The following DGKB variants were observed in gnomAD, a reference collection of about 807,000 sequenced individuals.
DGKB encodes 90 kDa diacylglycerol kinase.
A neutral mutation model predicts 114.3 loss-of-function variants in DGKB; 67 were observed. That is an observed-to-expected ratio of 0.59 (90% confidence interval 0.48 to 0.72). The LOEUF is 0.72. Among genes scored for constraint, DGKB ranks in the 30% least tolerant of loss-of-function variants. DGKB has a pLI of 0.00. For synonymous variants in DGKB, 398 were observed against 323.1 expected, an observed-to-expected ratio of 1.23 and a Z score of -2.49; for missense variants, 907 against 975.2, an observed-to-expected ratio of 0.93 and a Z score of 0.93.
intron 21 of DGKB, among the ~76,000 whole-genome samples, chr7:14,395,967 T>A (rs998090836): frequency 5.9e-5 from 9 of 152,038 alleles, no homozygotes; most frequent in Admixed American, 2.0e-4. Context: ...AATTATACAT[T>A]TGAAGGACTG....
intron 21 of DGKB, among the ~76,000 whole-genome samples, chr7:14,410,854 G>A (rs545878721): frequency 2.6e-5 from 4 of 152,204 alleles, no homozygotes; most frequent in Admixed American, 6.5e-5. Context: ...AATTTCTATT[G>A]AAATATAAAT....
chr7:14,534,127 G>T (rs1487341747), intron 20 of DGKB, among the ~76,000 whole-genome samples: 2 of 151,876 alleles, frequency 1.3e-5, no homozygotes, highest in Admixed American at 6.6e-5. Context: ...ATAAACAATA[G>T]AAAAATAATA....
chr7:14,392,982 G>GTTTTTTTTTTTT (rs1298052301), intron 21 of DGKB, among the ~76,000 whole-genome samples: 1 of 27,462 alleles, frequency 3.6e-5, no homozygotes, highest in Non-Finnish European at 1.1e-4. Context: ...AAACAGACCT[G>GTTTTTTTTTTTT]TTTTTTGTTT....
At chr7:14,474,966 GA>G (rs1171275271) in intron 21 of DGKB, among the ~76,000 whole-genome samples, 1 of 151,982 alleles carries the variant, frequency 6.6e-6, no homozygotes, top group African/African-American at 2.4e-5. Flanking sequence ...AATTTGGAAA[GA>G]ATATGATATA....
At chr7:14,506,234 T>C (rs1787033469) in intron 20 of DGKB, among the ~76,000 whole-genome samples, 1 of 152,136 alleles carries the variant, frequency 6.6e-6, no homozygotes. Flanking sequence ...AATCAATAGA[T>C]GTAAACTCAC....
chr7:14,174,366 T>A (rs1323188298), intron 25 of DGKB, among the ~76,000 whole-genome samples: 1 of 152,310 alleles, frequency 6.6e-6, no homozygotes, highest in East Asian at 1.9e-4. Flanking sequence ...ATTAAATGCA[T>A]CAACATGGGT....
At chr7:14,420,126 G>C (rs1184882159) in intron 21 of DGKB, among the ~76,000 whole-genome samples, 1 of 151,212 alleles carries the variant, frequency 6.6e-6, no homozygotes, top group Non-Finnish European at 1.5e-5. Flanking sequence ...ATAGAAAACT[G>C]GTGTTTAAAA....
At chr7:14,403,042 T>G (rs372154938) in intron 21 of DGKB, among the ~76,000 whole-genome samples, 4 of 151,942 alleles carry the variant, frequency 2.6e-5, no homozygotes, top group African/African-American at 9.7e-5. Context: ...TCTTTCTCTC[T>G]CTGTGTATCA....
chr7:14,315,778 C>A (rs889059133), intron 23 of DGKB, among the ~76,000 whole-genome samples: 5 of 151,440 alleles, frequency 3.3e-5, no homozygotes, highest in African/African-American at 7.3e-5. Flanking sequence ...CTGCACCAAG[C>A]GGACCTAATA....
intron 20 of DGKB, among the ~76,000 whole-genome samples, chr7:14,532,440 G>C (rs992955045): frequency 6.6e-6 from 1 of 151,390 alleles, no homozygotes; most frequent in Non-Finnish European, 1.5e-5. Context: ...TGAAAGACTG[G>C]AAAACAGCTA....
intron 1 of DGKB, among the ~76,000 whole-genome samples, chr7:14,922,394 G>GTGTGTGTA (rs1236568324): frequency 1.1e-4 from 17 of 151,686 alleles, no homozygotes; most frequent in African/African-American, 3.9e-4. Context: ...GTGTGTGTGT[G>GTGTGTGTA]TGTGTGTGTG....
intron 1 of DGKB, among the ~76,000 whole-genome samples, chr7:14,899,535 T>C (rs953817414): frequency 3.9e-5 from 6 of 152,126 alleles, no homozygotes; most frequent in Non-Finnish European, 5.9e-5. Flanking sequence ...CCTTCCACTA[T>C]ATGATTCCCT....
intron 23 of DGKB, among the ~76,000 whole-genome samples, chr7:14,271,613 G>A (rs188838290): frequency 4.5e-4 from 68 of 152,290 alleles, no homozygotes; most frequent in Admixed American, 9.8e-4. Context: ...GGCAAGGGAA[G>A]CATCATTTAA....
At chr7:14,408,406 A>G (rs930911660) in intron 21 of DGKB, among the ~76,000 whole-genome samples, 1 of 152,128 alleles carries the variant, frequency 6.6e-6, no homozygotes, top group Non-Finnish European at 1.5e-5. Flanking sequence ...TTCTAGCAAT[A>G]TGGGGAATAC....
At chr7:14,359,067 G>A (rs113372716) in intron 21 of DGKB, among the ~76,000 whole-genome samples, 1,812 of 152,000 alleles carry the variant, frequency 0.012, 36 homozygotes, top group African/African-American at 0.042. Flanking sequence ...CAAGGCCACA[G>A]TAACCAAAAC....
At chr7:14,857,258 T>TTGTGTGTGTGTGTGTG (rs140695633) in intron 1 of DGKB, among the ~76,000 whole-genome samples, 4,200 of 138,274 alleles carry the variant, frequency 0.03, 98 homozygotes, top group African/African-American at 0.056. Flanking sequence ...CTGTGTGTGT[T>TTGTGTGTGTGTGTGTG]TGTGTGTGTG....
chr7:14,472,964 C>T (rs1048890045), intron 21 of DGKB, among the ~76,000 whole-genome samples: 2 of 152,062 alleles, frequency 1.3e-5, no homozygotes, highest in African/African-American at 4.8e-5. Context: ...GGAAGTAGAA[C>T]ATAAAAGTTC....
At chr7:14,811,332 T>C (rs1843404674) in intron 2 of DGKB, among the ~76,000 whole-genome samples, 1 of 152,144 alleles carries the variant, frequency 6.6e-6, no homozygotes, top group African/African-American at 2.4e-5. Context: ...TTCAGTTTCC[T>C]GAGTAGCCGG....
At chr7:14,714,629 A>C (rs894641967) in intron 6 of DGKB, among the ~76,000 whole-genome samples, 4 of 152,178 alleles carry the variant, frequency 2.6e-5, no homozygotes, top group Non-Finnish European at 5.9e-5. Flanking sequence ...TGGAAAAAAA[A>C]ACATTATCTG....
Sources: gnomAD v4.1 joint callset for allele counts (sites outside exome capture counted in the v4.1 genomes callset) on GRCh38, gnomAD v4.1.1 for gene constraint, MANE v1.5 for transcripts, NCBI Gene and HGNC (gene_info 2026-07-23, HGNC 2026-07-21) for gene names.